NUP54: variants seen among roughly 807,000 people sequenced by gnomAD.
NUP54 encodes the protein nucleoporin p54.
A neutral mutation model predicts 66.4 loss-of-function variants in NUP54; 27 were observed. That is an observed-to-expected ratio of 0.41 (90% CI 0.30 to 0.56). NUP54 has a LOEUF of 0.56. NUP54 is among the 20% of genes least tolerant of loss of function. The probability of loss-of-function intolerance (pLI) is 0.34; values close to 1 mark genes in which losing one functional copy is unlikely to be tolerated. For missense variants in NUP54, 486 were observed against 596.3 expected, an observed-to-expected ratio of 0.82 and a Z score of 1.93; for synonymous variants, 206 against 210.7, an observed-to-expected ratio of 0.98 and a Z score of 0.19.
chr4:76,118,028 G>A, intron 10 of NUP54, 47 bp downstream of exon 10: 3 of 1,592,568 alleles, frequency 1.9e-6, no homozygotes, highest in Non-Finnish European at 2.6e-6. Flanking sequence ...TTTGTCTGCA[G>A]ATCCACCTGA....
At chr4:76,142,249 G>C (rs1277246135) in intron 3 of NUP54, among the ~76,000 whole-genome samples, 1 of 152,098 alleles carries the variant, frequency 6.6e-6, no homozygotes, top group East Asian at 1.9e-4. Flanking sequence ...ATCAAATTTT[G>C]TATTTTTGCA....
Position 76,134,325 on chromosome 4 carries a change from T to G in NUP54, c.560A>C (p.Glu187Ala). The G allele has an allele frequency of 6.2e-7, 1 of 1,613,810 alleles. No individual in the cohort carries two copies. Among genetic ancestry groups the G allele is most frequent in the East Asian group, 2.2e-5 (1 of 44,816 alleles). The change falls in exon 5 of 12, where the codon GAA (glutamate) becomes GCA (alanine). Residue 187 changes from glutamate (E) to alanine (A), a missense_variant. Glu to Ala is a moderately radical substitution (Grantham distance 107). Transcript: ENST00000264883. The part of the protein sequence containing the change: ...GYSCMPSNKD[E>A]DGLVVLVFNK... Reference sequence around the variant, plus strand: ...GAAAACTAAAACCACTAGCCCATCTTCATCTTTATTACTGGGCATGCAACT... The same window carrying G: ...GAAAACTAAAACCACTAGCCCATCTGCATCTTTATTACTGGGCATGCAACT...
Position 76,148,333 on chromosome 4 carries a change from G to T in NUP54, c.42C>A (p.Thr14=), listed in dbSNP as rs375911568. 6.5e-7 allele frequency: 1 copy of T among 1,538,320 alleles called. No individual in the cohort carries two copies. The highest frequency in any genetic ancestry group is 1.4e-5 in the African/African-American group (1 of 71,816). Residue 14 remains threonine, a synonymous_variant, in exon 1 of 12, where the codon ACC becomes ACA. Transcript: ENST00000264883. ...CCGCGGGGGCCGCGGTGGCTGCAGC[G>T]GTACCGGAGGTGCCCGAGGGAGCCC... ...NFGAPSGTSG[T]AAATAAPAGG...
chr4:76,135,355 CATTTTACCATGTT>C (rs1730995149), intron 4 of NUP54, among the ~76,000 whole-genome samples: 1 of 152,168 alleles, frequency 6.6e-6, no homozygotes, highest in South Asian at 2.1e-4. Context: ...GTACATTATG[CATTTTACCATGTT>C]ATACACCAAC....
chr4:76,129,670 C>A (rs570503630), intron 8 of NUP54, among the ~76,000 whole-genome samples: 125 of 152,092 alleles, frequency 8.2e-4, no homozygotes, highest in South Asian at 2.5e-3. Flanking sequence ...TCGAGACCAT[C>A]CTGGTTAACA....
At chr4:76,126,006 G>C (rs1012075351) in intron 8 of NUP54, among the ~76,000 whole-genome samples, 3 of 152,170 alleles carry the variant, frequency 2.0e-5, no homozygotes, top group African/African-American at 7.2e-5. Flanking sequence ...GTTAAGATGT[G>C]TAAGATGATA....
chr4:76,144,494 A>G, intron 1 of NUP54, 21 bp from the exon 2 acceptor site: 1 of 1,552,254 alleles, frequency 6.4e-7, no homozygotes, highest in Non-Finnish European at 8.7e-7. Flanking sequence ...AAGAACAAAA[A>G]TAGAAAGGAA....
chr4:76,134,448 A>T (rs962782861), intron 4 of NUP54, 86 bp from the exon 5 acceptor site: 40 of 1,111,322 alleles, frequency 3.6e-5, no homozygotes, highest in Middle Eastern at 5.2e-4. Context: ...TATCTGCTAA[A>T]ATGGGAAAAA....
intron 3 of NUP54, 104 bp from the exon 4 acceptor site, chr4:76,136,516 T>C (rs1208795888): frequency 4.0e-6 from 3 of 747,846 alleles, no homozygotes; most frequent in African/African-American, 3.5e-5. Flanking sequence ...AAGATGCCCA[T>C]ATCCTAATCT....
chr4:76,142,342 G>T (rs1731299483), intron 3 of NUP54, among the ~76,000 whole-genome samples: 1 of 152,150 alleles, frequency 6.6e-6, no homozygotes, highest in South Asian at 2.1e-4. Context: ...CCTACTGTTA[G>T]GCAATCCTTG....
intron 8 of NUP54, among the ~76,000 whole-genome samples, chr4:76,126,287 A>C (rs1326351009): frequency 6.6e-6 from 1 of 152,228 alleles, no homozygotes; most frequent in Non-Finnish European, 1.5e-5. Flanking sequence ...AAAGCATCCC[A>C]ATCAGAATTA....
intron 3 of NUP54, among the ~76,000 whole-genome samples, chr4:76,142,812 G>A (rs1338525153): frequency 1.3e-5 from 2 of 151,880 alleles, no homozygotes; most frequent in Admixed American, 6.6e-5. Flanking sequence ...TAACTGCAAT[G>A]GATTAAAAAA....
At chr4:76,136,139 T>A (rs781454434) in intron 4 of NUP54, 47 bp downstream of exon 4, 1 of 1,277,978 alleles carries the variant, frequency 7.8e-7, no homozygotes, top group Non-Finnish European at 1.1e-6. Context: ...ATATATTTTC[T>A]GTTATACAAA....
chr4:76,120,574 A>G (rs61099048), intron 9 of NUP54, among the ~76,000 whole-genome samples: 19,999 of 151,844 alleles, frequency 0.13, 1,545 homozygotes, highest in East Asian at 0.35. Flanking sequence ...GATTACAGGC[A>G]CCTGCCACCA....
chr4:76,133,235 T>G (rs1166320787), intron 5 of NUP54, among the ~76,000 whole-genome samples: 1 of 151,944 alleles, frequency 6.6e-6, no homozygotes, highest in Non-Finnish European at 1.5e-5. Flanking sequence ...TAAGAAAGTT[T>G]TACTTCATGT....
At chr4:76,119,630 G>A (rs1036957407) in intron 9 of NUP54, among the ~76,000 whole-genome samples, 1 of 151,316 alleles carries the variant, frequency 6.6e-6, no homozygotes, top group African/African-American at 2.4e-5. Context: ...CTTCTGCCTC[G>A]GCCTCTTAAA....
chr4:76,139,331 A>G (rs1016965078), intron 3 of NUP54, among the ~76,000 whole-genome samples: 3 of 152,228 alleles, frequency 2.0e-5, no homozygotes, highest in African/African-American at 7.2e-5. Context: ...ACGTGACGTG[A>G]TATGAAGCAC....
At chr4:76,137,055 T>C (rs940717365) in intron 3 of NUP54, among the ~76,000 whole-genome samples, 1 of 152,144 alleles carries the variant, frequency 6.6e-6, no homozygotes, top group African/African-American at 2.4e-5. Context: ...AGTGGCAAGA[T>C]CATGGCTCAC....
Position 76,124,776 on chromosome 4 carries a change from G to A in NUP54, c.1057-20C>T. Reference sequence around the variant, plus strand: ...TATGATCTGTTTAAAAAAAAATTGGGGGGGGGAGGGTTAATCAAATATCAC... The same window carrying A: ...TATGATCTGTTTAAAAAAAAATTGGAGGGGGGAGGGTTAATCAAATATCAC... On this transcript the variant is annotated intron_variant, in intron 8 of 11. Coordinates refer to ENST00000264883, the MANE Select transcript of NUP54 (RefSeq NM_017426.4). 5.4e-6 allele frequency: 4 copies of A among 736,566 alleles called. No individual in the cohort carries two copies. Among genetic ancestry groups the A allele is most frequent in the Admixed American group, 2.3e-5 (1 of 44,132 alleles). The allele number at this position is 736,566 out of a possible 1,614,324, so 45.6% of individuals were successfully genotyped here.
Sources: gnomAD v4.1 joint callset for allele counts (sites outside exome capture counted in the v4.1 genomes callset) on GRCh38, gnomAD v4.1.1 for gene constraint, MANE v1.5 for transcripts, NCBI Gene and HGNC (gene_info 2026-07-23, HGNC 2026-07-21) for gene names.